DPYD: variants seen among roughly 807,000 people sequenced by gnomAD.
DPYD encodes the protein dihydropyrimidine dehydrogenase, also known as dihydropyrimidine dehydrogenase [NADP(+)].
In DPYD, 109 loss-of-function variants were observed where a neutral mutation model predicts 116.2. That is an observed-to-expected ratio of 0.94 (90% CI 0.80 to 1.10). The LOEUF (loss-of-function observed/expected upper bound fraction) is 1.10, where lower values mean the gene tolerates loss of function less well. Ranked by LOEUF, DPYD falls within the 50% of genes least tolerant of loss-of-function variation. The pLI, the probability that DPYD is intolerant of heterozygous loss-of-function variation, is 0.00. For synonymous variants in DPYD, 440 were observed against 432.0 expected, an observed-to-expected ratio of 1.02 and a Z score of -0.23; for missense variants, 1,302 against 1,254.5, an observed-to-expected ratio of 1.04 and a Z score of -0.57.
chr1:97,158,087 C>T (rs1282900010), intron 20 of DPYD, among the ~76,000 whole-genome samples: 1 of 152,044 alleles, frequency 6.6e-6, no homozygotes, highest in Non-Finnish European at 1.5e-5. Context: ...ACACTGATAG[C>T]AAGTAGTATT....
chr1:97,626,659 T>A (rs1280924787), intron 8 of DPYD, among the ~76,000 whole-genome samples: 1 of 152,078 alleles, frequency 6.6e-6, no homozygotes, highest in Non-Finnish European at 1.5e-5. Context: ...TGCCTGATTA[T>A]CATAGGTGGG....
At chr1:97,488,194 T>C (rs1470292031) in intron 13 of DPYD, among the ~76,000 whole-genome samples, 1 of 152,172 alleles carries the variant, frequency 6.6e-6, no homozygotes, top group Non-Finnish European at 1.5e-5. Flanking sequence ...ATTACACTTG[T>C]ATAAATCTAT....
rs902401702 is a variant in DPYD, at chr1:97,784,768, T to C, written c.233+43346A>G. On this transcript the variant is annotated intron_variant, in intron 3 of 22. Coordinates refer to ENST00000370192, the MANE Select transcript of DPYD (RefSeq NM_000110.4). ...TTAACCTGAGTTATCCAATGTGACA[T>C]TGTCATGAGACTGTGATTTGGACTG... Among the ~76,000 whole-genome samples the C allele has an allele frequency of 5.3e-5, 8 of 152,316 alleles. 1 individual carries two copies. The highest frequency in any genetic ancestry group is 2.1e-4 in the South Asian group (1 of 4,834).
chr1:97,313,944 A>G (rs1455906731), intron 16 of DPYD, among the ~76,000 whole-genome samples: 1 of 151,992 alleles, frequency 6.6e-6, no homozygotes, highest in African/African-American at 2.4e-5. Flanking sequence ...GAATGAAAGA[A>G]TGAAGAATTT....
At chr1:97,393,174 A>C (rs565657292) in intron 14 of DPYD, among the ~76,000 whole-genome samples, 5 of 152,124 alleles carry the variant, frequency 3.3e-5, no homozygotes, top group Non-Finnish European at 7.4e-5. Context: ...AGCTTTCAAC[A>C]TGTCTTTCTC....
At chr1:97,774,258 C>T (rs1042913816) in intron 3 of DPYD, among the ~76,000 whole-genome samples, 2 of 152,172 alleles carry the variant, frequency 1.3e-5, no homozygotes, top group Non-Finnish European at 2.9e-5. Context: ...GGATCTGCCA[C>T]TCTTCCAAAA....
chr1:97,088,360 T>A (rs994667211), intron 21 of DPYD, among the ~76,000 whole-genome samples: 3 of 152,218 alleles, frequency 2.0e-5, no homozygotes, highest in Admixed American at 6.5e-5. Flanking sequence ...TCAAACAGAC[T>A]TTTTTAGCCA....
At chr1:97,208,809 G>A (rs1393989835) in intron 19 of DPYD, among the ~76,000 whole-genome samples, 1 of 152,056 alleles carries the variant, frequency 6.6e-6, no homozygotes, top group African/African-American at 2.4e-5. Context: ...GCTGTTGTGA[G>A]GACCAAATGA....
intron 6 of DPYD, among the ~76,000 whole-genome samples, chr1:97,697,679 C>T (rs150027461): frequency 1.3e-3 from 199 of 151,960 alleles, no homozygotes; most frequent in African/African-American, 4.6e-3. Flanking sequence ...AACTCTGTCT[C>T]ACTAAAAAAA....
At chr1:97,218,446 CT>C (rs750520615) in intron 19 of DPYD, among the ~76,000 whole-genome samples, 7 of 151,720 alleles carry the variant, frequency 4.6e-5, no homozygotes, top group Non-Finnish European at 1.0e-4. Context: ...ACCCATCCGC[CT>C]TTATACAGAG....
intron 19 of DPYD, among the ~76,000 whole-genome samples, chr1:97,220,355 C>A (rs573267067): frequency 6.6e-6 from 1 of 152,196 alleles, no homozygotes; most frequent in Non-Finnish European, 1.5e-5. Flanking sequence ...AAAACTCACA[C>A]CAGATGCAGC....
At chr1:97,200,520 A>G (rs112555159) in intron 19 of DPYD, among the ~76,000 whole-genome samples, 78 of 152,318 alleles carry the variant, frequency 5.1e-4, no homozygotes, top group African/African-American at 1.8e-3. Context: ...AGGGTTGTTC[A>G]TCCAATTCTT....
At chr1:97,235,040 A>C in intron 18 of DPYD, 46 bp from the exon 19 acceptor site, 1 of 1,610,702 alleles carries the variant, frequency 6.2e-7, no homozygotes, top group Non-Finnish European at 8.5e-7. Flanking sequence ...TGACCACTTG[A>C]GTATACTGTC....
intron 18 of DPYD, among the ~76,000 whole-genome samples, chr1:97,303,101 A>G (rs1407400790): frequency 6.6e-6 from 1 of 152,000 alleles, no homozygotes; most frequent in South Asian, 2.1e-4. Context: ...ACAAAACATA[A>G]TCTTCATTTC....
At chr1:97,663,677 CA>C (rs1659393787) in intron 8 of DPYD, among the ~76,000 whole-genome samples, 1 of 152,176 alleles carries the variant, frequency 6.6e-6, no homozygotes, top group African/African-American at 2.4e-5. Flanking sequence ...AGTAAACACT[CA>C]ATAACTACAG....
intron 16 of DPYD, among the ~76,000 whole-genome samples, chr1:97,332,517 T>C (rs537405477): frequency 6.6e-6 from 1 of 152,332 alleles, no homozygotes; most frequent in Non-Finnish European, 1.5e-5. Context: ...CGTTGAGTTT[T>C]GTGTCCTAGA....
intron 8 of DPYD, among the ~76,000 whole-genome samples, chr1:97,648,251 A>G (rs1022686296): frequency 6.6e-6 from 1 of 152,036 alleles, no homozygotes; most frequent in Non-Finnish European, 1.5e-5. Flanking sequence ...CATCTAGAAC[A>G]TCTAACCTTA....
At chr1:97,444,589 A>G (rs927767893) in intron 14 of DPYD, among the ~76,000 whole-genome samples, 1 of 152,230 alleles carries the variant, frequency 6.6e-6, no homozygotes. Context: ...ACACACACAT[A>G]TGTATATACA....
chr1:97,428,679 T>G (rs1675006980), intron 14 of DPYD, among the ~76,000 whole-genome samples: 1 of 151,998 alleles, frequency 6.6e-6, no homozygotes. Context: ...TACTTCAGAT[T>G]TTTAAAAATT....
Sources: gnomAD v4.1 joint callset for allele counts (sites outside exome capture counted in the v4.1 genomes callset) on GRCh38, gnomAD v4.1.1 for gene constraint, MANE v1.5 for transcripts, NCBI Gene and HGNC (gene_info 2026-07-23, HGNC 2026-07-21) for gene names.